CTNNBL1: variants seen among roughly 807,000 people sequenced by gnomAD.
CTNNBL1 encodes the protein beta-catenin-like protein 1.
A neutral mutation model predicts 72.7 loss-of-function variants in CTNNBL1; 31 were observed. The observed-to-expected ratio is 0.43, with a 90% CI of 0.32 to 0.58. The LOEUF (loss-of-function observed/expected upper bound fraction) is 0.58. Among genes scored for constraint, CTNNBL1 ranks in the 20% least tolerant of loss-of-function variants. CTNNBL1 has a pLI of 0.08. For synonymous variants in CTNNBL1, 240 were observed against 267.3 expected, an observed-to-expected ratio of 0.90 and a Z score of 1.00; for missense variants, 534 against 725.1, an observed-to-expected ratio of 0.74 and a Z score of 3.03.
At chr20:37,850,482 G>A (rs895007866) in intron 13 of CTNNBL1, among the ~76,000 whole-genome samples, 7 of 152,218 alleles carry the variant, frequency 4.6e-5, no homozygotes, top group Admixed American at 4.6e-4. Flanking sequence ...CGTATGTGCT[G>A]AGACAGAACT....
chr20:37,868,161 A>G (rs1311815159), intron 15 of CTNNBL1, among the ~76,000 whole-genome samples: 2 of 152,166 alleles, frequency 1.3e-5, no homozygotes, highest in South Asian at 2.1e-4. Flanking sequence ...ACCATAAGAC[A>G]TTCCTGTTTT....
intron 2 of CTNNBL1, among the ~76,000 whole-genome samples, chr20:37,735,393 G>A (rs556965388): frequency 1.3e-5 from 2 of 152,320 alleles, no homozygotes; most frequent in Non-Finnish European, 2.9e-5. Context: ...AGATCCTTAC[G>A]TAGATCATGT....
intron 4 of CTNNBL1, among the ~76,000 whole-genome samples, chr20:37,749,291 A>G (rs984769325): frequency 1.3e-5 from 2 of 152,126 alleles, no homozygotes; most frequent in East Asian, 1.9e-4. Flanking sequence ...TCTTTTTTCT[A>G]TTCCTGCTAA....
At chr20:37,828,094 A>G (rs913475688) in intron 11 of CTNNBL1, among the ~76,000 whole-genome samples, 1 of 152,192 alleles carries the variant, frequency 6.6e-6, no homozygotes, top group Non-Finnish European at 1.5e-5. Flanking sequence ...TACCTCTTCA[A>G]GCTAACTTAC....
At chr20:37,725,392 G>T (rs2073075431) in intron 1 of CTNNBL1, among the ~76,000 whole-genome samples, 1 of 151,672 alleles carries the variant, frequency 6.6e-6, no homozygotes, top group Non-Finnish European at 1.5e-5. Flanking sequence ...TGCCTCCCCA[G>T]TTCTAGCAAC....
intron 10 of CTNNBL1, among the ~76,000 whole-genome samples, chr20:37,789,202 A>G (rs2073703589): frequency 6.6e-6 from 1 of 152,194 alleles, no homozygotes; most frequent in Admixed American, 6.5e-5. Flanking sequence ...AGAACCTCTC[A>G]AGCAGTGGAC....
chr20:37,773,199 A>G (rs1219335808), intron 7 of CTNNBL1, among the ~76,000 whole-genome samples: 1 of 152,212 alleles, frequency 6.6e-6, no homozygotes, highest in East Asian at 1.9e-4. Context: ...CTTAGCCTCT[A>G]TGACCAGAGG....
chr20:37,861,518 C>T (rs978058992), intron 15 of CTNNBL1, among the ~76,000 whole-genome samples: 2 of 152,198 alleles, frequency 1.3e-5, no homozygotes, highest in Non-Finnish European at 2.9e-5. Flanking sequence ...GTGTTCACCT[C>T]GGGCCCTCAT....
chr20:37,765,212 G>A lies in CTNNBL1; in HGVS notation c.580G>A (p.Val194Ile). The change falls in exon 6 of 16, where the codon GTA becomes ATA. Residue 194 changes from valine (V) to isoleucine (I), a missense_variant. Transcript: ENST00000361383. The part of the protein sequence containing the change: ...LIDALVDGQV[V>I]ALLVQNLERL... ...ATTCTTGCAGGTGGATGGGCAGGTG[G>A]TAGCACTGCTGGTACAGAATCTGGA... 1 of 1,551,370 alleles carries A rather than the reference G, an allele frequency of 6.4e-7. No homozygotes were observed. Among genetic ancestry groups the A allele is most frequent in the Non-Finnish European group, 8.7e-7 (1 of 1,146,704 alleles).
At chr20:37,753,391 A>G (rs1276987389) in intron 4 of CTNNBL1, among the ~76,000 whole-genome samples, 1 of 152,204 alleles carries the variant, frequency 6.6e-6, no homozygotes, top group Non-Finnish European at 1.5e-5. Context: ...ACTTTTGTCT[A>G]AAATGTTTCT....
chr20:37,703,785 C>CTT (rs768351287), intron 1 of CTNNBL1, among the ~76,000 whole-genome samples: 34 of 138,216 alleles, frequency 2.5e-4, no homozygotes, highest in African/African-American at 6.9e-4. Context: ...AGGTTCTTTA[C>CTT]TTTTTTTTTT....
intron 11 of CTNNBL1, among the ~76,000 whole-genome samples, chr20:37,828,151 C>T (rs1447454089): frequency 1.3e-5 from 2 of 152,182 alleles, no homozygotes; most frequent in Non-Finnish European, 2.9e-5. Flanking sequence ...TTGAACTCAG[C>T]ACAGGACTAG....
At chr20:37,773,845 A>G (rs2073548057) in intron 7 of CTNNBL1, among the ~76,000 whole-genome samples, 1 of 151,494 alleles carries the variant, frequency 6.6e-6, no homozygotes, top group Non-Finnish European at 1.5e-5. Flanking sequence ...ACTACATGCT[A>G]AAGTGTTTTT....
rs80278923 is a variant in CTNNBL1 at position 37,754,811 on chromosome 20, C to CT, written c.467-2734dup. Among the ~76,000 whole-genome samples the CT allele has an allele frequency of 2.9e-3, 424 of 144,552 alleles. 1 individual carries two copies. Among genetic ancestry groups the CT allele is most frequent in the Non-Finnish European group, 3.2e-3 (209 of 65,218 alleles). 94.8% of individuals were successfully genotyped at this position (144,552 alleles called of 152,430 possible). A position where few individuals can be genotyped will look rare whatever the true frequency, so the allele number is the denominator to read the frequency against. ...TACTATTGCAGTGACCTTTAGATAACTTTTTTTTTTTTTTGAGACAGGGTC... is the reference window on the plus strand; with the variant it reads ...TACTATTGCAGTGACCTTTAGATAACTTTTTTTTTTTTTTTGAGACAGGGTC... On this transcript the variant is annotated intron_variant, in intron 4 of 15. Coordinates refer to ENST00000361383, the MANE Select transcript of CTNNBL1 (RefSeq NM_030877.5).
intron 1 of CTNNBL1, among the ~76,000 whole-genome samples, chr20:37,700,245 C>G (rs1317145129): frequency 2.0e-5 from 3 of 152,130 alleles, no homozygotes; most frequent in Non-Finnish European, 4.4e-5. Flanking sequence ...GATATGACTT[C>G]TGGTTCTTTT....
chr20:37,721,626 C>G (rs1246750568), intron 1 of CTNNBL1, among the ~76,000 whole-genome samples: 2 of 152,212 alleles, frequency 1.3e-5, no homozygotes, highest in Admixed American at 6.5e-5. Context: ...CTCCTTTGCA[C>G]TCTTCCCTAA....
chr20:37,820,397 C>T (rs140175351), intron 11 of CTNNBL1, among the ~76,000 whole-genome samples: 1 of 152,272 alleles, frequency 6.6e-6, no homozygotes, highest in East Asian at 1.9e-4. Context: ...TCTCAGATAA[C>T]GACAACCTTC....
intron 5 of CTNNBL1, among the ~76,000 whole-genome samples, chr20:37,761,556 G>T (rs2122654034): frequency 6.6e-6 from 1 of 152,238 alleles, no homozygotes; most frequent in South Asian, 2.1e-4. Flanking sequence ...AAATTCATTT[G>T]TTCATTTGTT....
chr20:37,747,268 G>A (rs952633277), intron 4 of CTNNBL1, among the ~76,000 whole-genome samples: 2 of 151,618 alleles, frequency 1.3e-5, no homozygotes, highest in Non-Finnish European at 2.9e-5. Context: ...CCAGCTACTC[G>A]GGAGGCTGAG....
Sources: gnomAD v4.1 joint callset for allele counts (sites outside exome capture counted in the v4.1 genomes callset) on GRCh38, gnomAD v4.1.1 for gene constraint, MANE v1.5 for transcripts, NCBI Gene and HGNC (gene_info 2026-07-23, HGNC 2026-07-21) for gene names.